Variants in CPQ observed in about 807,000 individuals in gnomAD.
CPQ encodes the protein Ser-Met dipeptidase.
CPQ carries 37 observed loss-of-function variants against 45.7 expected under a neutral mutation model. The observed-to-expected ratio is 0.81, with a 90% CI of 0.62 to 1.07. The LOEUF (loss-of-function observed/expected upper bound fraction) is 1.07, where lower values mean the gene tolerates loss of function less well. Ranked by LOEUF, CPQ falls within the 50% of genes least tolerant of loss-of-function variation. The pLI is 0.00. For missense variants in CPQ, 537 were observed against 572.9 expected (o/e 0.94, Z 0.64); for synonymous variants, 186 against 205.8 (o/e 0.90, Z 0.82).
chr8:96,718,530 AGC>A (rs1809715788), intron 1 of CPQ, among the ~76,000 whole-genome samples: 1 of 152,152 alleles, frequency 6.6e-6, no homozygotes, highest in Non-Finnish European at 1.5e-5. Context: ...TGAGTGTTAC[AGC>A]TCATAAAAGC....
At chr8:96,749,040 TA>T (rs1434152670) in intron 1 of CPQ, among the ~76,000 whole-genome samples, 4 of 152,166 alleles carry the variant, frequency 2.6e-5, no homozygotes, top group Admixed American at 6.6e-5. Context: ...CATCTCTACT[TA>T]AAAAACTAAT....
At chr8:97,046,353 G>A (rs1563565034) in intron 6 of CPQ, among the ~76,000 whole-genome samples, 2 of 151,778 alleles carry the variant, frequency 1.3e-5, no homozygotes, top group South Asian at 2.1e-4. Flanking sequence ...AGAAGCTGAG[G>A]TTGCCCCTAG....
chr8:96,887,571 G>A (rs1812321014), intron 4 of CPQ, among the ~76,000 whole-genome samples: 1 of 144,664 alleles, frequency 6.9e-6, no homozygotes, highest in Admixed American at 7.0e-5. Context: ...CCTGACCAGA[G>A]GACAAACTGA....
chr8:96,823,429 T>C (rs1434365084), intron 2 of CPQ, among the ~76,000 whole-genome samples: 2 of 152,066 alleles, frequency 1.3e-5, no homozygotes, highest in Non-Finnish European at 2.9e-5. Flanking sequence ...ACATTGTGAA[T>C]CTTCTGCCTG....
intron 7 of CPQ, among the ~76,000 whole-genome samples, chr8:97,119,092 G>A (rs1012514461): frequency 1.3e-5 from 2 of 152,024 alleles, no homozygotes; most frequent in Non-Finnish European, 2.9e-5. Context: ...ACTTTGGCAG[G>A]CCAAGGAGGG....
intron 6 of CPQ, among the ~76,000 whole-genome samples, chr8:97,041,681 G>T (rs532559717): frequency 2.0e-4 from 31 of 152,300 alleles, no homozygotes; most frequent in African/African-American, 7.5e-4. Context: ...TTTATTGAGA[G>T]TTTTTAGCAT....
chr8:96,721,815 C>T (rs1386506915), intron 1 of CPQ, among the ~76,000 whole-genome samples: 1 of 152,166 alleles, frequency 6.6e-6, no homozygotes, highest in Non-Finnish European at 1.5e-5. Flanking sequence ...TTGTGCATGT[C>T]ATACTACTTT....
At chr8:96,880,052 G>T in intron 4 of CPQ, 47 bp downstream of exon 4, 1 of 1,530,946 alleles carries the variant, frequency 6.5e-7, no homozygotes. Context: ...TCCTGGTCTA[G>T]TTTGAGTTAT....
chr8:96,956,554 G>A lies in CPQ; in HGVS notation c.850-9381G>A, dbSNP rs376921646. 7.9e-5 allele frequency among the ~76,000 whole-genome samples: 12 copies of A among 152,154 alleles called. No individual in the cohort carries two copies. The East Asian group carries it at 2.1e-3, about 27-fold the overall frequency. On this transcript the variant is annotated intron_variant, in intron 4 of 7. Coordinates refer to ENST00000220763, the MANE Select transcript of CPQ (RefSeq NM_016134.4). ...TCATTGTATTGTAAATGGAAAAGAA[G>A]AGTTTTTCATTTTAGGTATATATAC...
intron 1 of CPQ, among the ~76,000 whole-genome samples, chr8:96,735,412 C>A (rs1586378674): frequency 6.6e-6 from 1 of 152,316 alleles, no homozygotes; most frequent in East Asian, 1.9e-4. Context: ...GTTCCAGCTT[C>A]TGTTTCATTG....
chr8:96,685,873 C>T (rs1809220747), intron 1 of CPQ, among the ~76,000 whole-genome samples: 1 of 151,972 alleles, frequency 6.6e-6, no homozygotes, highest in Non-Finnish European at 1.5e-5. Flanking sequence ...CTCACTTTTC[C>T]ATTTGTTTAA....
At chr8:96,722,819 A>G (rs957253371) in intron 1 of CPQ, among the ~76,000 whole-genome samples, 18 of 151,918 alleles carry the variant, frequency 1.2e-4, no homozygotes, top group African/African-American at 4.4e-4. Context: ...CAAATCATCT[A>G]TTTTCTTGAT....
intron 1 of CPQ, among the ~76,000 whole-genome samples, chr8:96,742,087 C>T (rs1810100865): frequency 7.0e-6 from 1 of 142,818 alleles, no homozygotes; most frequent in Admixed American, 7.1e-5. Flanking sequence ...TTAAAGTCTC[C>T]CATTATTAAT....
chr8:96,906,266 A>G (rs1162903852), intron 4 of CPQ, among the ~76,000 whole-genome samples: 1 of 152,176 alleles, frequency 6.6e-6, no homozygotes, highest in Non-Finnish European at 1.5e-5. Context: ...CCCTCATGTA[A>G]TGTGGATAAG....
chr8:97,003,128 CTTTAT>C (rs1809313834), intron 5 of CPQ, among the ~76,000 whole-genome samples: 1 of 152,120 alleles, frequency 6.6e-6, no homozygotes, highest in Non-Finnish European at 1.5e-5. Context: ...TCCTCCATCC[CTTTAT>C]TTTGAGCCTG....
chr8:96,828,552 C>T (rs1811407116), intron 2 of CPQ, among the ~76,000 whole-genome samples: 1 of 151,980 alleles, frequency 6.6e-6, no homozygotes, highest in Admixed American at 6.6e-5. Context: ...GCTGGCAACT[C>T]ACCTCCATAT....
At chr8:96,855,028 C>A (rs1811828462) in intron 3 of CPQ, among the ~76,000 whole-genome samples, 2 of 152,136 alleles carry the variant, frequency 1.3e-5, no homozygotes, top group Non-Finnish European at 2.9e-5. Flanking sequence ...AAATTCAAGG[C>A]TTGATATCCC....
intron 1 of CPQ, among the ~76,000 whole-genome samples, chr8:96,682,646 G>A (rs527963124): frequency 2.6e-4 from 40 of 152,156 alleles, no homozygotes; most frequent in African/African-American, 9.4e-4. Flanking sequence ...TTGTATGTTT[G>A]GAATTGTTAT....
In CPQ at chr8:96,903,080, G is replaced by C. The variant is rs151124057; in HGVS notation, c.849+23075G>C. Among the ~76,000 whole-genome samples, 8 of 150,580 alleles carry C rather than the reference G, an allele frequency of 5.3e-5. No homozygotes were observed. In the East Asian group the frequency reaches 1.6e-3, roughly 30 times the overall value. On this transcript the variant is annotated intron_variant, in intron 4 of 7. Transcript: ENST00000220763. ...TTCCTTCTAGCTCATTCTTTCCCTT[G>C]TCAAGTGGATGCACCAGCAAAGGAC...
Sources: gnomAD v4.1 joint callset for allele counts (sites outside exome capture counted in the v4.1 genomes callset) on GRCh38, gnomAD v4.1.1 for gene constraint, MANE v1.5 for transcripts, NCBI Gene and HGNC (gene_info 2026-07-23, HGNC 2026-07-21) for gene names.